Variants in GNAI2 observed in about 807,000 individuals in gnomAD.
The protein encoded by GNAI2 is guanine nucleotide-binding protein G(i) subunit alpha-2.
In GNAI2, 4 loss-of-function variants were observed where a neutral mutation model predicts 36.8. The observed-to-expected ratio is 0.11, with a 90% CI of 0.05 to 0.25. The LOEUF (loss-of-function observed/expected upper bound fraction) is 0.25, where lower values mean the gene tolerates loss of function less well. Ranked by LOEUF, GNAI2 falls within the 10% of genes least tolerant of loss-of-function variation. The pLI is 1.00. For missense variants in GNAI2, 230 were observed against 481.3 expected (o/e 0.48, Z 4.89); for synonymous variants, 194 against 194.1 (o/e 1.00, Z 0.01).
rs1700609395 is a variant in GNAI2 at position 50,253,225 on chromosome 3, G to A, written c.464+41G>A. The A allele has an allele frequency of 1.9e-6, 3 of 1,539,500 alleles. No homozygotes were observed. Among genetic ancestry groups the A allele is most frequent in the Admixed American group, 1.7e-5 (1 of 58,396 alleles). ...GGCTGGGCAGGGCAGGGCAGGGGCTGGGGGAGGACTAAAGGCTGGACCGGA... is the reference window on the plus strand; with the variant it reads ...GGCTGGGCAGGGCAGGGCAGGGGCTAGGGGAGGACTAAAGGCTGGACCGGA... On this transcript the variant is annotated intron_variant, in intron 4 of 8. Coordinates refer to ENST00000313601, the MANE Select transcript of GNAI2 (RefSeq NM_002070.4). This position sits in a 1 kb window ranked among gnomAD's most constrained non-coding sequence, Gnocchi z 4.2.
intron 5 of GNAI2, 191 bp downstream of exon 5, chr3:50,256,511 C>A: frequency 1.4e-6 from 1 of 709,144 alleles, no homozygotes; most frequent in Non-Finnish European, 2.5e-6. Flanking sequence ...CTGCTCACAG[C>A]CTCTGCTGCT....
intron 5 of GNAI2, 83 bp downstream of exon 5, chr3:50,256,403 C>G: frequency 2.3e-6 from 3 of 1,312,026 alleles, no homozygotes; most frequent in Non-Finnish European, 3.3e-6. Flanking sequence ...CCAGGATCCC[C>G]CAGCCCCACT....
At chr3:50,240,446 T>G (rs1349806331) in intron 1 of GNAI2, among the ~76,000 whole-genome samples, 3 of 152,172 alleles carry the variant, frequency 2.0e-5, no homozygotes, top group African/African-American at 7.2e-5. Flanking sequence ...GACCAGCCCA[T>G]GGGGTCATCC....
At chr3:50,251,836 T>A in intron 1 of GNAI2, 1 of 1,264,092 alleles carries the variant, frequency 7.9e-7, no homozygotes, top group South Asian at 1.5e-5. Context: ...GGAGCCATGG[T>A]GGGCAGCAGA....
Position 50,252,498 on chromosome 3 carries a change from T to C in GNAI2, c.263T>C (p.Met88Thr), listed in dbSNP as rs1242505599. The C allele has an allele frequency of 1.9e-6, 3 of 1,613,546 alleles. No individual in the cohort carries two copies. Among genetic ancestry groups the C allele is most frequent in the Non-Finnish European group, 2.5e-6 (3 of 1,179,834 alleles). Residue 88 changes from methionine (M) to threonine (T), a missense_variant, in exon 3 of 9, where the codon ATG becomes ACG. By Grantham distance (81) the Met-to-Thr change is moderately conservative. Transcript: ENST00000313601. This position sits in a 1 kb window ranked among gnomAD's most constrained non-coding sequence, Gnocchi z 4.1. ...TCCATCATGGCCATTGTCAAAGCCA[T>C]GGGCAACCTGCAGATCGACTTTGCC... ...IQSIMAIVKA[M>T]GNLQIDFADP... is the part of the protein sequence containing the mutation.
At chr3:50,248,859 A>G (rs1167261604) in intron 1 of GNAI2, among the ~76,000 whole-genome samples, 2 of 152,018 alleles carry the variant, frequency 1.3e-5, no homozygotes, top group East Asian at 1.9e-4. Flanking sequence ...GGCAGGGAGC[A>G]GATATCCTGG....
rs1700317709 is a variant in GNAI2, at chr3:50,242,352, A to G, written c.118+5899A>G. On this transcript the variant is annotated intron_variant, in intron 1 of 8. Transcript: ENST00000313601. This position sits in a 1 kb window ranked among gnomAD's most constrained non-coding sequence, Gnocchi z 4.8. Reference sequence around the variant, plus strand: ...TCTCATCTTCCCAGCATCTCAGGCCAGGAATCCCAGCCTAGGAGTTGAGCG... The same window carrying G: ...TCTCATCTTCCCAGCATCTCAGGCCGGGAATCCCAGCCTAGGAGTTGAGCG... Among the ~76,000 whole-genome samples, 1 of 152,184 alleles carries G rather than the reference A, an allele frequency of 6.6e-6. No homozygotes were observed. The highest frequency in any genetic ancestry group is 1.5e-5 in the Non-Finnish European group (1 of 68,022).
At chr3:50,246,507 G>A (rs1192434423) in intron 1 of GNAI2, among the ~76,000 whole-genome samples, 1 of 152,224 alleles carries the variant, frequency 6.6e-6, no homozygotes, top group East Asian at 1.9e-4. Flanking sequence ...CCTTTGTGGT[G>A]GGCTCAGGGC....
chr3:50,234,689 C>T (rs1700129606), upstream of GNAI2, among the ~76,000 whole-genome samples: 1 of 152,174 alleles, frequency 6.6e-6, no homozygotes, highest in African/African-American at 2.4e-5. Flanking sequence ...GGGGTTTATG[C>T]TAAACACCGG....
At chr3:50,233,591 G>C (rs1553699997), upstream of GNAI2, among the ~76,000 whole-genome samples, 1 of 152,238 alleles carries the variant, frequency 6.6e-6, no homozygotes, top group Non-Finnish European at 1.5e-5. Context: ...TGGATCTGAG[G>C]CATGTTGGAG....
In GNAI2 at chr3:50,252,444, G is replaced by A. The variant is rs782573516; in HGVS notation, c.209G>A (p.Arg70Gln). Reference protein sequence around the residue: ...GYSEEECRQYRAVVYSNTIQS... With the variant: ...GYSEEECRQYQAVVYSNTIQS... ...TCCGAGGAGGAATGCCGGCAGTACC[G>A]GGCGGTTGTCTACAGCAACACCATC... Residue 70 changes from arginine (R) to glutamine (Q), a missense_variant, in exon 3 of 9, where the codon CGG (arginine) becomes CAG (glutamine). Coordinates refer to ENST00000313601, the MANE Select transcript of GNAI2 (RefSeq NM_002070.4). The surrounding 1 kb of genome is among the most constrained non-coding windows in gnomAD (Gnocchi z 4.1). 49 of 1,613,392 alleles carry A rather than the reference G, an allele frequency of 3.0e-5. No individual in the cohort carries two copies. Among genetic ancestry groups the A allele is most frequent in the South Asian group, 2.1e-4 (19 of 91,076 alleles).
chr3:50,254,546 T>C (rs1553702925), intron 4 of GNAI2, among the ~76,000 whole-genome samples: 1 of 152,166 alleles, frequency 6.6e-6, no homozygotes, highest in African/African-American at 2.4e-5. Context: ...CTTGTGAATA[T>C]GTACCCCCTA....
upstream of GNAI2, chr3:50,227,210 T>C: frequency 7.2e-7 from 1 of 1,395,130 alleles, no homozygotes; most frequent in Non-Finnish European, 9.3e-7. This position sits in a 1 kb window ranked among gnomAD's most constrained non-coding sequence, Gnocchi z 5.9. Context: ...CGATGGCGGC[T>C]ATCGCGGAGG....
At chr3:50,251,044 C>G (rs1364116150) in intron 1 of GNAI2, among the ~76,000 whole-genome samples, 2 of 152,144 alleles carry the variant, frequency 1.3e-5, no homozygotes, top group Non-Finnish European at 2.9e-5. Context: ...CTCCTGACCT[C>G]AGGTGATCCA....
chr3:50,228,283 A>G (rs910941821), upstream of GNAI2, among the ~76,000 whole-genome samples: 1 of 152,174 alleles, frequency 6.6e-6, no homozygotes, highest in African/African-American at 2.4e-5. Flanking sequence ...GGTGCACGGT[A>G]GCTCACGCCT....
At chr3:50,251,370 A>G (rs1007361663) in intron 1 of GNAI2, 8 of 995,868 alleles carry the variant, frequency 8.0e-6, no homozygotes, top group African/African-American at 1.7e-5. Context: ...AAAGAGAAAT[A>G]TGGGCCAGGG....
chr3:50,236,580 G>C lies in GNAI2; in HGVS notation c.118+127G>C. 1 of 1,322,504 alleles carries C rather than the reference G, an allele frequency of 7.6e-7. No individual in the cohort carries two copies. The allele number at this position is 1,322,504 out of a possible 1,614,324, so 81.9% of individuals were successfully genotyped here. A position where few individuals can be genotyped will look rare whatever the true frequency, so the allele number is the denominator to read the frequency against. On this transcript the variant is annotated intron_variant, in intron 1 of 8. Coordinates refer to ENST00000313601, the MANE Select transcript of GNAI2 (RefSeq NM_002070.4). The surrounding 1 kb of genome is among the most constrained non-coding windows in gnomAD (Gnocchi z 4.0). Reference sequence around the variant, plus strand: ...TGTCTGGGACCCCACACCTGGGCCAGGACCAGGGTTGAAAACTCTAGATTG... The same window carrying C: ...TGTCTGGGACCCCACACCTGGGCCACGACCAGGGTTGAAAACTCTAGATTG...
intron 1 of GNAI2, 188 bp from the exon 2 acceptor site, chr3:50,251,912 C>T: frequency 4.4e-6 from 4 of 910,700 alleles, no homozygotes; most frequent in Non-Finnish European, 6.4e-6. Flanking sequence ...GTTACCTTGA[C>T]CACTGTGGCC....
At chr3:50,256,678 T>TC (rs1553703217) in intron 5 of GNAI2, 45 bp from the exon 6 acceptor site, 7 of 1,604,296 alleles carry the variant, frequency 4.4e-6, no homozygotes, top group Admixed American at 1.7e-5. Flanking sequence ...GTAGAAAGCC[T>TC]CCCCCAGGCT....
Sources: allele counts gnomAD v4.1 joint callset (sites outside exome capture counted in the v4.1 genomes callset), GRCh38; gene constraint gnomAD v4.1.1; non-coding constraint Gnocchi (gnomAD v3.1); transcripts MANE v1.5; gene names NCBI Gene and HGNC (gene_info 2026-07-23, HGNC 2026-07-21).